The following PLA2G4C variants were observed in gnomAD, a reference collection of about 807,000 sequenced individuals.
PLA2G4C encodes cytosolic phospholipase A2 gamma.
PLA2G4C carries 64 observed loss-of-function variants against 73.8 expected under a neutral mutation model. The ratio of observed to expected loss-of-function variants is 0.87; its 90% confidence interval spans 0.71 to 1.07. The LOEUF (loss-of-function observed/expected upper bound fraction) is 1.07. Ranked by LOEUF, PLA2G4C falls within the 50% of genes least tolerant of loss-of-function variation. PLA2G4C has a pLI of 0.00. For missense variants in PLA2G4C, 622 were observed against 665.4 expected, an observed-to-expected ratio of 0.93 and a Z score of 0.72; for synonymous variants, 254 against 252.1, an observed-to-expected ratio of 1.01 and a Z score of -0.07.
intron 12 of PLA2G4C, among the ~76,000 whole-genome samples, chr19:48,070,150 G>A (rs2386976): frequency 0.26 from 39,876 of 152,086 alleles, 5,565 homozygotes; most frequent in East Asian, 0.52. Flanking sequence ...AGATTTATGA[G>A]GAATAAGTAA....
At chr19:48,083,113 C>G (rs1048911396) in intron 10 of PLA2G4C, among the ~76,000 whole-genome samples, 5 of 152,048 alleles carry the variant, frequency 3.3e-5, no homozygotes, top group African/African-American at 1.2e-4. Flanking sequence ...CCGCGCCTGG[C>G]CCTGGCTTGC....
In PLA2G4C at chr19:48,067,865, T is replaced by G; in HGVS notation, c.1028A>C (p.Asp343Ala). 1 of 1,613,538 alleles carries G rather than the reference T, an allele frequency of 6.2e-7. No individual in the cohort carries two copies. Among genetic ancestry groups the G allele is most frequent in the South Asian group, 1.1e-5 (1 of 91,060 alleles). The change falls in exon 13 of 17, where the codon GAT (aspartate) becomes GCT (alanine). Residue 343 changes from aspartate to alanine, a missense_variant. Coordinates refer to ENST00000599921, the MANE Select transcript of PLA2G4C (RefSeq NM_003706.3). The stretch of plus-strand genomic sequence containing the variant: ...GCAAATGCCTGTTTTCTTCACAAAA[T>G]CCATCAAGTTACTGAGTGAGCCTAG... ...ERKGSLSNLM[D>A]FVKKTGICAS...
chr19:48,049,108 G>A (rs1238774873), intron 16 of PLA2G4C, among the ~76,000 whole-genome samples: 4 of 152,022 alleles, frequency 2.6e-5, no homozygotes, highest in South Asian at 2.1e-4. Flanking sequence ...AGATACAGGC[G>A]CCATGCTTCT....
At chr19:48,075,784 T>TG (rs1555746838) in intron 11 of PLA2G4C, among the ~76,000 whole-genome samples, 1 of 152,118 alleles carries the variant, frequency 6.6e-6, no homozygotes, top group Non-Finnish European at 1.5e-5. Context: ...CCATTTCTTT[T>TG]TTGTTGTTGT....
chr19:48,098,305 C>G, intron 5 of PLA2G4C, 46 bp from the exon 6 acceptor site: 1 of 1,571,196 alleles, frequency 6.4e-7, no homozygotes, highest in East Asian at 2.3e-5. Context: ...CATGTGGGTC[C>G]CACAGGGTGG....
chr19:48,082,112 C>A (rs2030612911), intron 10 of PLA2G4C, among the ~76,000 whole-genome samples: 1 of 151,632 alleles, frequency 6.6e-6, no homozygotes, highest in South Asian at 2.1e-4. Context: ...ATATTGAATG[C>A]AACATACTCT....
In PLA2G4C at chr19:48,095,559, A is replaced by C. The variant is rs370426526; in HGVS notation, c.614T>G (p.Leu205Arg). 6 of 1,613,992 alleles carry C rather than the reference A, an allele frequency of 3.7e-6. No homozygotes were observed. In the African/African-American group the frequency reaches 8.0e-5, roughly 22 times the overall value. Residue 205 changes from leucine (L) to arginine (R), a missense_variant, in exon 7 of 17, where the codon CTG (leucine) becomes CGG (arginine). By Grantham distance (102) the Leu-to-Arg change is moderately radical (BLOSUM62 -2). Coordinates refer to ENST00000599921, the MANE Select transcript of PLA2G4C (RefSeq NM_003706.3). ...FTPHHAGFSALGAFVSITHFG... is the reference protein window; with the variant it reads ...FTPHHAGFSARGAFVSITHFG... Reference sequence around the variant, plus strand: ...GTGGGTTATGGAAACAAAGGCCCCCAGTGCAGAGAAGCCAGCGTGGTGAGG... The same window carrying C: ...GTGGGTTATGGAAACAAAGGCCCCCCGTGCAGAGAAGCCAGCGTGGTGAGG...
Position 48,110,531 on chromosome 19 carries a change from T to TGCTCCGGAATCCGGTGCAGAGGCTTGG in PLA2G4C, c.-78_-77insCCAAGCCTCTGCACCGGATTCCGGAGC. The TGCTCCGGAATCCGGTGCAGAGGCTTGG allele has an allele frequency of 7.2e-7, 1 of 1,386,158 alleles. No individual in the cohort carries two copies. The highest frequency in any genetic ancestry group is 9.5e-7 in the Non-Finnish European group (1 of 1,049,482). 85.9% of individuals were successfully genotyped at this position (1,386,158 alleles called of 1,614,324 possible). On this transcript the variant is annotated 5_prime_UTR_variant, in exon 1 of 17. Transcript: ENST00000599921. The stretch of plus-strand genomic sequence containing the variant: ...GTGTGCGCATGCGCGGTGGAGCTTG[T>TGCTCCGGAATCCGGTGCAGAGGCTTGG]GCTCCGGAATCCGGTGCGGAGGCTT...
intron 2 of PLA2G4C, 110 bp from the exon 3 acceptor site, chr19:48,105,554 G>T: frequency 2.7e-6 from 2 of 742,382 alleles, no homozygotes; most frequent in Non-Finnish European, 2.3e-6. Context: ...CCAGCCCACG[G>T]GTACATGGTT....
intron 10 of PLA2G4C, among the ~76,000 whole-genome samples, chr19:48,082,786 A>C (rs977899910): frequency 6.7e-6 from 1 of 148,208 alleles, no homozygotes; most frequent in Admixed American, 6.7e-5. Context: ...GGCGTGAGCC[A>C]CTGTGCCCGG....
intron 14 of PLA2G4C, among the ~76,000 whole-genome samples, chr19:48,055,263 G>A (rs867309833): frequency 6.6e-6 from 1 of 151,552 alleles, no homozygotes; most frequent in African/African-American, 2.4e-5. Context: ...GACAACATTC[G>A]CGAGGTTAGA....
chr19:48,074,479 C>T (rs11564608), intron 12 of PLA2G4C: 37,244 of 420,490 alleles, frequency 0.089, 3,902 homozygotes, highest in African/African-American at 0.31. Context: ...GAATGATTTA[C>T]ATTCCTTTGG....
At chr19:48,089,339 C>T (rs1194104727) in intron 8 of PLA2G4C, among the ~76,000 whole-genome samples, 1 of 151,988 alleles carries the variant, frequency 6.6e-6, no homozygotes, top group Non-Finnish European at 1.5e-5. Context: ...GTTGCTTAAG[C>T]CTGGGAGGTG....
chr19:48,090,382 T>A lies in PLA2G4C; in HGVS notation c.745A>T (p.Ile249Phe), dbSNP rs140118627. 2 of 1,612,182 alleles carry A rather than the reference T, an allele frequency of 1.2e-6. No individual in the cohort carries two copies. Among genetic ancestry groups the A allele is most frequent in the Non-Finnish European group, 1.7e-6 (2 of 1,178,324 alleles). The change falls in exon 8 of 17, where the codon ATT becomes TTT. Residue 249 changes from isoleucine to phenylalanine, a missense_variant. By Grantham distance (21) the Ile-to-Phe change is conservative. Transcript: ENST00000599921. ...WGSALGNTEV[I>F]REYIFDQLRN... Reference sequence around the variant, plus strand: ...TACTCACCAAAAATGTATTCCCTAATGACTTCAGTGTTACCAAGAGCACTT... The same window carrying A: ...TACTCACCAAAAATGTATTCCCTAAAGACTTCAGTGTTACCAAGAGCACTT...
At chr19:48,110,437 T>C in intron 1 of PLA2G4C, 50 bp downstream of exon 1, 1 of 1,358,588 alleles carries the variant, frequency 7.4e-7, no homozygotes, top group South Asian at 1.4e-5. Flanking sequence ...GGTACTTGGT[T>C]ATGGCCGCCC....
chr19:48,097,471 C>G (rs1306387262), intron 6 of PLA2G4C, among the ~76,000 whole-genome samples: 1 of 151,620 alleles, frequency 6.6e-6, no homozygotes, highest in Admixed American at 6.6e-5. Flanking sequence ...TCAGGATGGT[C>G]TTGATCTCCT....
At chr19:48,057,326 A>C (rs1369364367) in intron 14 of PLA2G4C, among the ~76,000 whole-genome samples, 1 of 151,856 alleles carries the variant, frequency 6.6e-6, no homozygotes, top group Admixed American at 6.6e-5. Flanking sequence ...GAGATGTCGG[A>C]GTAATGTCTT....
intron 16 of PLA2G4C, 67 bp downstream of exon 16, chr19:48,052,930 G>C: frequency 2.0e-6 from 3 of 1,517,152 alleles, no homozygotes. Context: ...CTGTTGCAGA[G>C]AAAGTTCTCC....
chr19:48,074,661 G>T (rs1025004151), intron 12 of PLA2G4C, 106 bp downstream of exon 12: 2 of 773,540 alleles, frequency 2.6e-6, no homozygotes, highest in Non-Finnish European at 4.7e-6. Flanking sequence ...GGGACATCTG[G>T]TCATGTCCCC....
Sources: gnomAD v4.1 joint callset for allele counts (sites outside exome capture counted in the v4.1 genomes callset) on GRCh38, gnomAD v4.1.1 for gene constraint, MANE v1.5 for transcripts, NCBI Gene and HGNC (gene_info 2026-07-23, HGNC 2026-07-21) for gene names.